MAGI3: variants seen among roughly 807,000 people sequenced by gnomAD.
MAGI3 encodes membrane associated guanylate kinase, WW and PDZ domain containing 3.
Under a neutral mutation model 121.8 loss-of-function variants are expected in MAGI3, and 43 were observed. The ratio of observed to expected loss-of-function variants is 0.35; its 90% confidence interval spans 0.28 to 0.46. The LOEUF is 0.46. Ranked by LOEUF, MAGI3 falls within the 20% of genes least tolerant of loss-of-function variation. The pLI is 1.00. For synonymous variants in MAGI3, 553 were observed against 639.3 expected, an observed-to-expected ratio of 0.86 and a Z score of 2.04; for missense variants, 1,547 against 1,797.3, an observed-to-expected ratio of 0.86 and a Z score of 2.52.
intron 1 of MAGI3, among the ~76,000 whole-genome samples, chr1:113,447,785 C>T (rs1557762166): frequency 2.6e-5 from 4 of 151,804 alleles, no homozygotes; most frequent in East Asian, 1.9e-4. Flanking sequence ...ATCTGGGAGG[C>T]GGACGTTGCA....
At chr1:113,518,555 A>C (rs531369072) in intron 1 of MAGI3, among the ~76,000 whole-genome samples, 42 of 152,242 alleles carry the variant, frequency 2.8e-4, no homozygotes, top group African/African-American at 9.6e-4. Flanking sequence ...AAACCTTTCA[A>C]CTATAATTAG....
In MAGI3 at chr1:113,653,972, AT is replaced by A; in HGVS notation, c.2586del (p.Phe862LeufsTer25). ...VVLQRKENEG[F>X]GFVILTSKNK... ...TCTTGCAACGAAAAGAAAATGAAGG[AT>A]TTGGCTTTGTCATCCTCACCTCCAA... is the stretch of plus-strand genomic sequence containing the variant. On this transcript the variant is annotated frameshift_variant, in exon 15 of 21. Coordinates refer to ENST00000307546, the MANE Select transcript of MAGI3 (RefSeq NM_001142782.2). LOFTEE classifies it high-confidence loss of function. 6.2e-7 allele frequency: 1 copy of A among 1,613,870 alleles called. No individual in the cohort carries two copies. The highest frequency in any genetic ancestry group is 8.5e-7 in the Non-Finnish European group (1 of 1,179,876).
rs2101043498 is a variant in MAGI3, at chr1:113,682,913, T to C, written c.3345T>C (p.Asn1115=). Residue 1115 remains asparagine, a synonymous_variant, in exon 21 of 21, where the codon AAT becomes AAC. Transcript: ENST00000307546. ...LIPDHGDWDI[N]NPSSSNVIYD... ...CTTTTTTAGGTGATTGGGATATTAA[T>C]AATCCTTCGTCTTCAAATGTGATTT... 1 of 1,583,192 alleles carries C rather than the reference T, an allele frequency of 6.3e-7. No homozygotes were observed. Among genetic ancestry groups the C allele is most frequent in the African/African-American group, 1.4e-5 (1 of 73,318 alleles).
At chr1:113,594,173 A>C in intron 5 of MAGI3, among the ~76,000 whole-genome samples, 1 of 152,204 alleles carries the variant, frequency 6.6e-6, no homozygotes, top group East Asian at 1.9e-4. Context: ...GTATGTGGCT[A>C]TGCGCCCACC....
intron 3 of MAGI3, among the ~76,000 whole-genome samples, chr1:113,583,594 T>C (rs961155023): frequency 1.3e-5 from 2 of 152,156 alleles, no homozygotes; most frequent in Non-Finnish European, 2.9e-5. Context: ...GTTTCCTTGA[T>C]ACTGTGATTA....
At chr1:113,423,429 G>A (rs1253995959) in intron 1 of MAGI3, among the ~76,000 whole-genome samples, 10 of 151,908 alleles carry the variant, frequency 6.6e-5, no homozygotes, top group South Asian at 2.1e-4. Context: ...CCGCCACTAC[G>A]CCCAGCTAAT....
chr1:113,630,015 G>T (rs1651522748), intron 9 of MAGI3, among the ~76,000 whole-genome samples: 1 of 152,036 alleles, frequency 6.6e-6, no homozygotes, highest in Non-Finnish European at 1.5e-5. Flanking sequence ...AGTGAGCTAG[G>T]TTCGTGTCCC....
At chr1:113,446,289 G>A (rs1654176725) in intron 1 of MAGI3, among the ~76,000 whole-genome samples, 1 of 152,162 alleles carries the variant, frequency 6.6e-6, no homozygotes, top group Admixed American at 6.5e-5. Flanking sequence ...GTATGTTGTT[G>A]AAGTTAAGCT....
intron 2 of MAGI3, among the ~76,000 whole-genome samples, chr1:113,578,454 G>C (rs1029129156): frequency 6.6e-6 from 1 of 151,864 alleles, no homozygotes; most frequent in Non-Finnish European, 1.5e-5. Flanking sequence ...CTGTCGTCAA[G>C]GCTGGAGTGC....
intron 1 of MAGI3, among the ~76,000 whole-genome samples, chr1:113,465,539 A>C (rs2101527501): frequency 6.6e-6 from 1 of 152,144 alleles, no homozygotes; most frequent in African/African-American, 2.4e-5. Flanking sequence ...TTTTGTGAAG[A>C]GTGTTACTGG....
rs1451360053 is a variant in MAGI3, at chr1:113,549,531, A to C, written c.333A>C (p.Lys111Asn). The stretch of plus-strand genomic sequence containing the variant: ...TTGCTCCAGGCAAAGTCATTAATAA[A>C]GATTTGCGGCATTACCTAAGTCTTC... ...KTVKPGKVIN[K>N]DLRHYLSLQF... is the part of the protein sequence containing the mutation. Residue 111 changes from lysine (K) to asparagine (N), a missense_variant, in exon 2 of 21, where the codon AAA becomes AAC. Transcript: ENST00000307546. 6.3e-7 allele frequency: 1 copy of C among 1,590,346 alleles called. No individual in the cohort carries two copies. Among genetic ancestry groups the C allele is most frequent in the African/African-American group, 1.4e-5 (1 of 73,518 alleles).
At chr1:113,541,904 C>G (rs1659304909) in intron 1 of MAGI3, among the ~76,000 whole-genome samples, 1 of 152,230 alleles carries the variant, frequency 6.6e-6, no homozygotes, top group Non-Finnish European at 1.5e-5. Flanking sequence ...CTCAGTTCCT[C>G]TAACCACTGT....
At chr1:113,408,446 A>C (rs981262135) in intron 1 of MAGI3, among the ~76,000 whole-genome samples, 11 of 152,140 alleles carry the variant, frequency 7.2e-5, no homozygotes, top group Admixed American at 5.2e-4. Flanking sequence ...CTATGGAATT[A>C]ACTAGCTAGG....
At position 113,472,977 on chromosome 1, in the gene MAGI3, T is replaced by A. The variant is rs1456361980; in HGVS notation, c.317-76538T>A. On this transcript the variant is annotated intron_variant, in intron 1 of 20. Coordinates refer to ENST00000307546, the MANE Select transcript of MAGI3 (RefSeq NM_001142782.2). ...ACATTTTAAACTTTTATAGTAGAGT[T>A]GAAAGCGATTTACACACCACTATTA... 3.9e-5 allele frequency among the ~76,000 whole-genome samples: 6 copies of A among 152,236 alleles called. No individual in the cohort carries two copies. The East Asian group carries it at 1.2e-3, about 29-fold the overall frequency.
At chr1:113,419,177 A>T (rs1435912095) in intron 1 of MAGI3, among the ~76,000 whole-genome samples, 1 of 152,150 alleles carries the variant, frequency 6.6e-6, no homozygotes, top group Non-Finnish European at 1.5e-5. Flanking sequence ...CATACACATT[A>T]TATAGGGATT....
chr1:113,408,725 T>G (rs888198496), intron 1 of MAGI3, among the ~76,000 whole-genome samples: 1 of 152,078 alleles, frequency 6.6e-6, no homozygotes, highest in African/African-American at 2.4e-5. Context: ...TTTAATATCC[T>G]CCAACAACTC....
intron 4 of MAGI3, among the ~76,000 whole-genome samples, chr1:113,586,334 A>G (rs1445302196): frequency 6.6e-6 from 1 of 152,126 alleles, no homozygotes; most frequent in East Asian, 1.9e-4. Flanking sequence ...TTCCATCAAA[A>G]ACATGCCTGG....
In MAGI3 at chr1:113,391,159, C is replaced by G; in HGVS notation, c.126C>G (p.Phe42Leu). ...EIRGGAERGE[F>L]PYLGRLREEP... ...GCGGTGGCGCGGAGCGTGGCGAGTT[C>G]CCCTACCTGGGGCGGCTCCGCGAGG... The change falls in exon 1 of 21, where the codon TTC becomes TTG. Residue 42 changes from phenylalanine (F) to leucine (L), a missense_variant. Phe to Leu is a conservative substitution (Grantham distance 22). Transcript: ENST00000307546. This position sits in a 1 kb window ranked among gnomAD's most constrained non-coding sequence, Gnocchi z 4.4. 1 of 1,558,514 alleles carries G rather than the reference C, an allele frequency of 6.4e-7. No homozygotes were observed. The highest frequency in any genetic ancestry group is 1.2e-5 in the South Asian group (1 of 84,754).
intron 9 of MAGI3, among the ~76,000 whole-genome samples, chr1:113,623,758 A>C (rs528082227): frequency 5.1e-4 from 77 of 152,150 alleles, no homozygotes; most frequent in Admixed American, 9.2e-4. Context: ...AAGTGCTGAG[A>C]TTACAGACGT....
Sources: allele counts gnomAD v4.1 joint callset (sites outside exome capture counted in the v4.1 genomes callset), GRCh38; gene constraint gnomAD v4.1.1; non-coding constraint Gnocchi (gnomAD v3.1); transcripts MANE v1.5; gene names NCBI Gene and HGNC (gene_info 2026-07-23, HGNC 2026-07-21).